The following RGS7 variants were observed in gnomAD, a reference collection of about 807,000 sequenced individuals.
RGS7 encodes regulator of G protein signaling 7, also known as regulator of G-protein signaling 7.
RGS7 carries 27 observed loss-of-function variants against 81.1 expected under a neutral mutation model. The observed-to-expected ratio is 0.33, with a 90% CI of 0.25 to 0.46. The LOEUF (loss-of-function observed/expected upper bound fraction) is 0.46, where lower values mean the gene tolerates loss of function less well. Among genes scored for constraint, RGS7 ranks in the 20% least tolerant of loss-of-function variants. The pLI is 1.00. For synonymous variants in RGS7, 208 were observed against 207.7 expected (o/e 1.00, Z -0.01); for missense variants, 396 against 607.4 (o/e 0.65, Z 3.66).
intron 9 of RGS7, among the ~76,000 whole-genome samples, chr1:240,859,335 T>C (rs1239860587): frequency 6.6e-6 from 1 of 151,960 alleles, no homozygotes; most frequent in Non-Finnish European, 1.5e-5. Context: ...TCTTTAATAA[T>C]AGATGTTAAG....
chr1:240,777,601 C>T (rs1282714231), intron 18 of RGS7, among the ~76,000 whole-genome samples: 1 of 152,164 alleles, frequency 6.6e-6, no homozygotes, highest in Non-Finnish European at 1.5e-5. Flanking sequence ...AAACGATAGA[C>T]TAAGTGGCTT....
intron 9 of RGS7, among the ~76,000 whole-genome samples, chr1:240,842,738 C>CCTTT (rs1292183533): frequency 7.9e-5 from 12 of 151,952 alleles, no homozygotes; most frequent in African/African-American, 2.7e-4. Context: ...AGTTGCATTT[C>CCTTT]CTTTCTTTCT....
chr1:240,900,890 A>C (rs1669885714), intron 6 of RGS7, among the ~76,000 whole-genome samples: 1 of 152,168 alleles, frequency 6.6e-6, no homozygotes, highest in Non-Finnish European at 1.5e-5. Context: ...CTGCCACCAG[A>C]GGTGGAGTCT....
intron 2 of RGS7, among the ~76,000 whole-genome samples, chr1:241,326,610 A>C (rs1163226738): frequency 6.7e-6 from 1 of 148,278 alleles, no homozygotes; most frequent in Non-Finnish European, 1.5e-5. Flanking sequence ...TTAAATGTCA[A>C]CAATTAGTAA....
chr1:241,017,081 T>G (rs919101559), intron 3 of RGS7, among the ~76,000 whole-genome samples: 1 of 152,226 alleles, frequency 6.6e-6, no homozygotes, highest in Admixed American at 6.5e-5. Context: ...TGTACTCGTT[T>G]ATTACAAGTG....
chr1:241,012,659 G>A (rs1486768862), intron 3 of RGS7, among the ~76,000 whole-genome samples: 1 of 152,116 alleles, frequency 6.6e-6, no homozygotes, highest in Non-Finnish European at 1.5e-5. Flanking sequence ...ATTCCGAAAG[G>A]CTGCAGACAG....
chr1:241,231,448 T>G (rs951362909), intron 2 of RGS7, among the ~76,000 whole-genome samples: 1 of 152,194 alleles, frequency 6.6e-6, no homozygotes, highest in African/African-American at 2.4e-5. Flanking sequence ...AATTTTTGTA[T>G]TTTTAGGAGA....
At chr1:241,277,223 T>C (rs943579470) in intron 2 of RGS7, among the ~76,000 whole-genome samples, 3 of 152,258 alleles carry the variant, frequency 2.0e-5, no homozygotes, top group Non-Finnish European at 4.4e-5. Context: ...TTTCGTCTTG[T>C]TATGCCCAAT....
chr1:240,975,968 A>G (rs1004854875), intron 4 of RGS7, among the ~76,000 whole-genome samples: 4 of 152,256 alleles, frequency 2.6e-5, no homozygotes, highest in Non-Finnish European at 5.9e-5. Flanking sequence ...GATTTGTCTT[A>G]GTGGATGAGG....
chr1:240,776,560 C>A (rs1035339766), intron 18 of RGS7, among the ~76,000 whole-genome samples: 1 of 152,176 alleles, frequency 6.6e-6, no homozygotes, highest in African/African-American at 2.4e-5. Context: ...CACCTAGGTT[C>A]CCAACTGATT....
chr1:240,807,083 C>T (rs191303711), intron 14 of RGS7, among the ~76,000 whole-genome samples: 86 of 152,276 alleles, frequency 5.6e-4, no homozygotes, highest in African/African-American at 1.9e-3. Context: ...TACTGACTTA[C>T]TTCTGAAGAT....
chr1:240,836,105 C>G (rs963108213), intron 9 of RGS7, among the ~76,000 whole-genome samples: 1 of 116,754 alleles, frequency 8.6e-6, no homozygotes, highest in South Asian at 2.9e-4. Context: ...ATATCAGTGT[C>G]GGTTAATCGA....
chr1:241,215,914 A>G (rs938061866), intron 2 of RGS7, among the ~76,000 whole-genome samples: 12 of 152,244 alleles, frequency 7.9e-5, no homozygotes, highest in Non-Finnish European at 1.3e-4. Context: ...ATGTGTAACC[A>G]TGAGTGAACA....
intron 9 of RGS7, among the ~76,000 whole-genome samples, chr1:240,836,074 C>G (rs1694681361): frequency 7.1e-6 from 1 of 141,682 alleles, no homozygotes; most frequent in African/African-American, 2.7e-5. Context: ...ATGTAAACTA[C>G]AGAGTGCAGG....
chr1:241,088,484 C>A (rs1451153861), intron 3 of RGS7, among the ~76,000 whole-genome samples: 1 of 151,960 alleles, frequency 6.6e-6, no homozygotes, highest in Admixed American at 6.6e-5. Flanking sequence ...CCCCAAAAAC[C>A]AGAGACTAAA....
chr1:240,941,177 A>G lies in RGS7; in HGVS notation c.227-4471T>C, dbSNP rs1049617749. Among the ~76,000 whole-genome samples the G allele has an allele frequency of 4.6e-5, 7 of 152,338 alleles. No homozygotes were observed. The East Asian group carries it at 1.4e-3, about 29-fold the overall frequency. On this transcript the variant is annotated intron_variant, in intron 4 of 18. Coordinates refer to ENST00000440928, the MANE Select transcript of RGS7 (RefSeq NM_001364886.1). ...CAGGTAAGACCTAGATTTAATTTCT[A>G]TGTGAGTCACACACATTTCATATGT...
rs2079616237 is a variant in RGS7, at chr1:241,299,652, AGT to A, written c.78+56045_78+56046del. The stretch of plus-strand genomic sequence containing the variant: ...TAATCCACTGTAAATTTCAAAATAT[AGT>A]GTTAATTTTCATTTTTGAAATCTAT... On this transcript the variant is annotated intron_variant, in intron 2 of 18. Transcript: ENST00000440928. Among the ~76,000 whole-genome samples, 6 of 152,134 alleles carry A rather than the reference AGT, an allele frequency of 3.9e-5. 1 individual carries two copies. In the South Asian group the frequency reaches 1.2e-3, roughly 32 times the overall value.
chr1:240,893,320 T>C (rs975386706), intron 6 of RGS7, among the ~76,000 whole-genome samples: 1 of 152,216 alleles, frequency 6.6e-6, no homozygotes, highest in Non-Finnish European at 1.5e-5. Flanking sequence ...CCATTAATAA[T>C]GAATAGTTGC....
rs68166816 is a variant in RGS7 at position 241,162,222 on chromosome 1, G to GCCCCCCCCACCGCCC, written c.79-63461_79-63460insGGGCGGTGGGGGGGG. On this transcript the variant is annotated intron_variant, in intron 2 of 18. Transcript: ENST00000440928. ...ATAAAACACCTGAAACTGGTGATCA[G>GCCCCCCCCACCGCCC]CTTCCAAATAAGATCTCAGAAGTTG... Among the ~76,000 whole-genome samples, 4 of 142,028 alleles carry GCCCCCCCCACCGCCC rather than the reference G, an allele frequency of 2.8e-5. No homozygotes were observed. The East Asian group carries it at 6.0e-4, about 21-fold the overall frequency. 93.2% of individuals were successfully genotyped at this position (142,028 alleles called of 152,430 possible). A position where few individuals can be genotyped will look rare whatever the true frequency, so the allele number is the denominator to read the frequency against.
Sources: gnomAD v4.1 joint callset for allele counts (sites outside exome capture counted in the v4.1 genomes callset) on GRCh38, gnomAD v4.1.1 for gene constraint, MANE v1.5 for transcripts, NCBI Gene and HGNC (gene_info 2026-07-23, HGNC 2026-07-21) for gene names.